Variants in TENM4 observed in about 807,000 individuals in gnomAD.
TENM4 encodes the protein teneurin transmembrane protein 4.
In TENM4, 82 loss-of-function variants were observed where a neutral mutation model predicts 243.3. The ratio of observed to expected loss-of-function variants is 0.34; its 90% CI spans 0.28 to 0.40. The LOEUF (loss-of-function observed/expected upper bound fraction) is 0.40. Ranked by LOEUF, TENM4 falls within the 10% of genes least tolerant of loss-of-function variation. The probability of loss-of-function intolerance (pLI) is 1.00; values close to 1 mark genes in which losing one functional copy is unlikely to be tolerated. For missense variants in TENM4, 3,138 were observed against 3,673.3 expected, an observed-to-expected ratio of 0.85 and a Z score of 3.77; for synonymous variants, 1,412 against 1,456.3, an observed-to-expected ratio of 0.97 and a Z score of 0.69.
intron 3 of TENM4, among the ~76,000 whole-genome samples, chr11:79,167,117 G>A (rs566019811): frequency 2.7e-5 from 4 of 147,730 alleles, no homozygotes; most frequent in South Asian, 2.1e-4. Context: ...GGTTCAGGCC[G>A]GCACGGCAGT....
At chr11:78,908,417 A>G (rs968915635) in intron 6 of TENM4, among the ~76,000 whole-genome samples, 2 of 152,268 alleles carry the variant, frequency 1.3e-5, no homozygotes, top group Non-Finnish European at 2.9e-5. Context: ...CCACAATTAC[A>G]ATAAAGTCAT....
intron 27 of TENM4, among the ~76,000 whole-genome samples, chr11:78,704,159 CTATATATATATA>C (rs56026926): frequency 0.018 from 1,918 of 106,002 alleles, 45 homozygotes; most frequent in Admixed American, 0.04. Context: ...GTATGTGTGT[CTATATATATATA>C]TATATATATA....
intron 16 of TENM4, among the ~76,000 whole-genome samples, chr11:78,785,952 A>G (rs940802778): frequency 1.3e-5 from 2 of 151,084 alleles, no homozygotes; most frequent in African/African-American, 2.4e-5. Context: ...TGTGCTCACC[A>G]TCTGATCACA....
chr11:78,761,770 T>A (rs1448287499), intron 18 of TENM4, among the ~76,000 whole-genome samples: 1 of 152,156 alleles, frequency 6.6e-6, no homozygotes, highest in Non-Finnish European at 1.5e-5. Context: ...AGGCACTGTT[T>A]TTTTTAGTCC....
intron 1 of TENM4, among the ~76,000 whole-genome samples, chr11:79,407,977 C>A (rs745362225): frequency 4.0e-5 from 6 of 151,422 alleles, no homozygotes; most frequent in Non-Finnish European, 8.8e-5. Flanking sequence ...GATCTTGGCT[C>A]ACTGCAACTT....
chr11:79,361,412 G>C (rs1857586961), intron 1 of TENM4, among the ~76,000 whole-genome samples: 1 of 152,170 alleles, frequency 6.6e-6, no homozygotes, highest in Non-Finnish European at 1.5e-5. Context: ...TTCATCATCA[G>C]CTCCAAACCC....
At chr11:78,977,709 T>C (rs1378554507) in intron 6 of TENM4, among the ~76,000 whole-genome samples, 2 of 152,202 alleles carry the variant, frequency 1.3e-5, no homozygotes, top group African/African-American at 4.8e-5. Context: ...AAACAACAGA[T>C]GCTGGAGAGG....
intron 1 of TENM4, among the ~76,000 whole-genome samples, chr11:79,326,847 C>T (rs577693744): frequency 6.6e-6 from 1 of 152,346 alleles, no homozygotes; most frequent in Non-Finnish European, 1.5e-5. Context: ...TGTCTCCACA[C>T]TCCAGTGCCA....
intron 2 of TENM4, among the ~76,000 whole-genome samples, chr11:79,270,870 G>T (rs1234037623): frequency 6.6e-6 from 1 of 152,178 alleles, no homozygotes; most frequent in East Asian, 1.9e-4. Context: ...CCTTAGCAGA[G>T]GGCTGGGCTC....
chr11:79,019,284 G>T (rs574652521), intron 6 of TENM4, among the ~76,000 whole-genome samples: 2 of 152,300 alleles, frequency 1.3e-5, no homozygotes, highest in South Asian at 4.2e-4. Flanking sequence ...ATGGAAGTTA[G>T]TGCAGCAGCA....
chr11:79,329,558 G>A (rs1482509071), intron 1 of TENM4, among the ~76,000 whole-genome samples: 2 of 152,208 alleles, frequency 1.3e-5, no homozygotes, highest in Non-Finnish European at 2.9e-5. Context: ...GCTGGGGGTG[G>A]TAGTCAAGGA....
chr11:79,042,117 C>A (rs1208623592), intron 6 of TENM4, among the ~76,000 whole-genome samples: 1 of 152,220 alleles, frequency 6.6e-6, no homozygotes, highest in Non-Finnish European at 1.5e-5. Context: ...GTTACCCCTA[C>A]ACCTTTAATT....
At chr11:78,719,232 T>A (rs1039630695) in intron 25 of TENM4, among the ~76,000 whole-genome samples, 1 of 152,104 alleles carries the variant, frequency 6.6e-6, no homozygotes, top group African/African-American at 2.4e-5. Flanking sequence ...GCCACATAAT[T>A]GGGGAGCTTC....
At chr11:79,019,132 T>C (rs1031316496) in intron 6 of TENM4, among the ~76,000 whole-genome samples, 3 of 152,236 alleles carry the variant, frequency 2.0e-5, no homozygotes, top group Non-Finnish European at 2.9e-5. Context: ...TCCATGCCTC[T>C]GTGAAAGCCA....
At chr11:79,407,048 T>C (rs1372955391) in intron 1 of TENM4, among the ~76,000 whole-genome samples, 1 of 152,168 alleles carries the variant, frequency 6.6e-6, no homozygotes, top group Non-Finnish European at 1.5e-5. Context: ...CCTGTCAGTG[T>C]ATGGGGCCAA....
chr11:79,278,597 C>G (rs1015242856), intron 2 of TENM4, among the ~76,000 whole-genome samples: 1 of 152,132 alleles, frequency 6.6e-6, no homozygotes. Context: ...CAGAAGCACC[C>G]GAATTCTTGC....
chr11:79,221,301 C>T (rs188692512), intron 2 of TENM4, among the ~76,000 whole-genome samples: 21 of 152,192 alleles, frequency 1.4e-4, no homozygotes, highest in Middle Eastern at 6.8e-3. Flanking sequence ...TGCAAATAAA[C>T]AGGGAGAGAA....
chr11:78,950,491 A>C (rs1488691641), intron 6 of TENM4, among the ~76,000 whole-genome samples: 1 of 152,184 alleles, frequency 6.6e-6, no homozygotes, highest in Admixed American at 6.5e-5. Context: ...TAAGGGAGGC[A>C]GTCTGGTGGG....
chr11:78,815,192 C>A (rs1014413134), intron 12 of TENM4, among the ~76,000 whole-genome samples: 2 of 152,108 alleles, frequency 1.3e-5, no homozygotes, highest in African/African-American at 2.4e-5. Context: ...TTGAGACCAG[C>A]CTGGCCAACA....
Sources: allele counts gnomAD v4.1 joint callset (sites outside exome capture counted in the v4.1 genomes callset), GRCh38; gene constraint gnomAD v4.1.1; transcripts MANE v1.5; gene names NCBI Gene and HGNC (gene_info 2026-07-23, HGNC 2026-07-21).